PTPRS: variants seen among roughly 807,000 people sequenced by gnomAD.
The protein encoded by PTPRS is protein tyrosine phosphatase receptor type S.
Under a neutral mutation model 215.3 loss-of-function variants are expected in PTPRS, and 63 were observed. That is an observed-to-expected ratio of 0.29 (90% CI 0.24 to 0.36). The LOEUF (loss-of-function observed/expected upper bound fraction) is 0.36. PTPRS is among the 10% of genes least tolerant of loss of function. The pLI is 1.00. For synonymous variants in PTPRS, 1,404 were observed against 1,191.4 expected, an observed-to-expected ratio of 1.18 and a Z score of -3.68; for missense variants, 2,258 against 2,825.8, an observed-to-expected ratio of 0.80 and a Z score of 4.56.
chr19:5,313,358 G>A (rs1312172524), intron 1 of PTPRS, among the ~76,000 whole-genome samples: 1 of 152,260 alleles, frequency 6.6e-6, no homozygotes, highest in Non-Finnish European at 1.5e-5. Context: ...GAGATGGTGA[G>A]ACTTAAGAGA....
intron 1 of PTPRS, among the ~76,000 whole-genome samples, chr19:5,315,120 A>G (rs952867498): frequency 1.3e-5 from 2 of 151,844 alleles, no homozygotes; most frequent in African/African-American, 4.8e-5. Flanking sequence ...CTCACTGCCC[A>G]GTTAACTCCT....
intron 1 of PTPRS, among the ~76,000 whole-genome samples, chr19:5,325,542 G>A (rs1437564746): frequency 1.3e-5 from 2 of 152,200 alleles, no homozygotes; most frequent in African/African-American, 4.8e-5. Context: ...CACCACGACG[G>A]TTTCACTCAT....
At chr19:5,272,309 G>C (rs1255381094) in intron 4 of PTPRS, among the ~76,000 whole-genome samples, 2 of 152,036 alleles carry the variant, frequency 1.3e-5, no homozygotes, top group African/African-American at 4.8e-5. Flanking sequence ...TTCAAGAAAT[G>C]CATTTAGGCT....
chr19:5,250,619 G>GC (rs1432878796), intron 9 of PTPRS, among the ~76,000 whole-genome samples: 1 of 149,234 alleles, frequency 6.7e-6, no homozygotes, highest in Non-Finnish European at 1.5e-5. Context: ...GGTCCCAGCG[G>GC]GGGGACCCGC....
chr19:5,323,781 G>A (rs1459056948), intron 1 of PTPRS, among the ~76,000 whole-genome samples: 1 of 152,216 alleles, frequency 6.6e-6, no homozygotes, highest in Non-Finnish European at 1.5e-5. Flanking sequence ...TATAGGCAGA[G>A]GAGGGATGGG....
At chr19:5,256,754 C>T (rs1404414958) in intron 8 of PTPRS, among the ~76,000 whole-genome samples, 2 of 152,158 alleles carry the variant, frequency 1.3e-5, no homozygotes, top group East Asian at 1.9e-4. Flanking sequence ...CCCATCCCCT[C>T]CCCCTCCATG....
rs1010709479 is a variant in PTPRS at position 5,339,892 on chromosome 19, G to C, written c.-95+772C>G. On this transcript the variant is annotated intron_variant, in intron 1 of 37. Coordinates refer to ENST00000262963, the MANE Select transcript of PTPRS (RefSeq NM_002850.4). The surrounding 1 kb of genome is among the most constrained non-coding windows in gnomAD (Gnocchi z 4.2). ...GGGGAGACTGGGGTGCTGGGCGTGC[G>C]CGTCTGCCTGCCAGAGCCCCTGGGG... is the stretch of plus-strand genomic sequence containing the variant. Among the ~76,000 whole-genome samples the C allele has an allele frequency of 1.3e-4, 19 of 151,582 alleles. No homozygotes were observed. In the South Asian group the frequency reaches 2.9e-3, roughly 23 times the overall value.
intron 11 of PTPRS, among the ~76,000 whole-genome samples, chr19:5,240,818 A>G (rs188620320): frequency 0.017 from 2,583 of 150,684 alleles, 65 homozygotes; most frequent in African/African-American, 0.059. Context: ...CAGCCTGGGC[A>G]ACAGAGTGAG....
intron 9 of PTPRS, among the ~76,000 whole-genome samples, chr19:5,248,445 G>A (rs1168833068): frequency 6.6e-6 from 1 of 151,922 alleles, no homozygotes; most frequent in African/African-American, 2.4e-5. Flanking sequence ...CTGAAAGGAG[G>A]AGGACTGTGG....
At chr19:5,221,464 G>A (rs1371525352) in intron 19 of PTPRS, among the ~76,000 whole-genome samples, 2 of 151,154 alleles carry the variant, frequency 1.3e-5, no homozygotes, top group Non-Finnish European at 3.0e-5. Flanking sequence ...CCCAGACTGT[G>A]CCTAAATTCC....
intron 14 of PTPRS, 124 bp from the exon 15 acceptor site, chr19:5,229,808 T>A: frequency 1.8e-6 from 1 of 561,142 alleles, no homozygotes; most frequent in Non-Finnish European, 2.6e-6. Flanking sequence ...AACTGGGCGC[T>A]CTTAGCGCTC....
intron 1 of PTPRS, among the ~76,000 whole-genome samples, chr19:5,302,159 CT>C (rs1386055019): frequency 6.6e-6 from 1 of 151,980 alleles, no homozygotes; most frequent in Non-Finnish European, 1.5e-5. Flanking sequence ...TGAGCCAGAA[CT>C]TAAGATCAAC....
intron 16 of PTPRS, among the ~76,000 whole-genome samples, chr19:5,226,175 C>G (rs1434485835): frequency 1.3e-5 from 2 of 152,206 alleles, no homozygotes; most frequent in Non-Finnish European, 2.9e-5. Context: ...CAGGGTCCGT[C>G]CCCGCTCTCC....
At chr19:5,216,601 G>T in intron 26 of PTPRS, 119 bp downstream of exon 26, 1 of 885,274 alleles carries the variant, frequency 1.1e-6, no homozygotes, top group South Asian at 1.6e-5. Context: ...AAGACAGGTG[G>T]GCAAAGGCCG....
chr19:5,208,037 C>T lies in PTPRS; in HGVS notation c.5663G>A (p.Gly1888Asp), dbSNP rs1208800813. The T allele has an allele frequency of 6.2e-7, 1 of 1,613,300 alleles. No individual in the cohort carries two copies. Among genetic ancestry groups the T allele is most frequent in the Non-Finnish European group, 8.5e-7 (1 of 1,179,624 alleles). The change falls in exon 37 of 38, where the codon GGC becomes GAC. Residue 1888 changes from glycine (G) to aspartate (D), a missense_variant. By Grantham distance (94) the Gly-to-Asp change is moderately conservative (BLOSUM62 -1). This residue lies in a region of PTPRS where 89 missense variants were observed against 104.0 expected (regional missense o/e 0.86). Coordinates refer to ENST00000262963, the MANE Select transcript of PTPRS (RefSeq NM_002850.4). The stretch of plus-strand genomic sequence containing the variant: ...CACGATGCTAAGCGTGATGAAGACG[C>T]CCGTCCTGCCCACGCCGGCACTGGT... ...VHCSAGVGRT[G>D]VFITLSIVLE... is the part of the protein sequence containing the mutation.
intron 7 of PTPRS, 80 bp from the exon 8 acceptor site, chr19:5,258,207 T>C: frequency 8.4e-7 from 1 of 1,188,150 alleles, no homozygotes; most frequent in East Asian, 2.3e-5. Flanking sequence ...ACCAGAGTGC[T>C]CTCTGGCCTG....
chr19:5,206,649 A>G lies in PTPRS; in HGVS notation c.*125T>C, dbSNP rs2040388097. On this transcript the variant is annotated 3_prime_UTR_variant, in exon 38 of 38. Transcript: ENST00000262963. ...TGCGTCGTCCTCGGAAATGGTGCAG[A>G]AACACAGCTGCTGCCGCTGCCACCT... The G allele has an allele frequency of 6.1e-6, 5 of 816,498 alleles. No homozygotes were observed. In the East Asian group the frequency reaches 1.3e-4, roughly 21 times the overall value. 50.6% of individuals were successfully genotyped at this position (816,498 alleles called of 1,614,324 possible). A position where few individuals can be genotyped will look rare whatever the true frequency, so the allele number is the denominator to read the frequency against.
At chr19:5,249,901 T>C (rs910343456) in intron 9 of PTPRS, among the ~76,000 whole-genome samples, 2 of 152,276 alleles carry the variant, frequency 1.3e-5, no homozygotes, top group African/African-American at 4.8e-5. Flanking sequence ...ACCCTGTTCC[T>C]GTTTGATCTT....
chr19:5,223,144 A>G lies in PTPRS; in HGVS notation c.2648T>C (p.Phe883Ser). The change falls in exon 18 of 38, where the codon TTC becomes TCC. Residue 883 changes from phenylalanine (F) to serine (S), a missense_variant. Physicochemically the swap from Phe to Ser is radical, Grantham distance 155 (BLOSUM62 -2). This residue lies in a region of PTPRS where 361 missense variants were observed against 332.6 expected (regional missense o/e 1.09). Coordinates refer to ENST00000262963, the MANE Select transcript of PTPRS (RefSeq NM_002850.4). ...CGTGTAGCGGTCCTCGGAGGGCGGG[A>G]ACTCCAGGGTGGCCAGGGGCGTCGA... is the stretch of plus-strand genomic sequence containing the variant. The part of the protein sequence containing the change: ...EDSTPLATLE[F>S]PPSEDRYTAS... 6.4e-7 allele frequency: 1 copy of G among 1,572,224 alleles called. No homozygotes were observed. The highest frequency in any genetic ancestry group is 8.6e-7 in the Non-Finnish European group (1 of 1,159,036).
Sources: allele counts gnomAD v4.1 joint callset (sites outside exome capture counted in the v4.1 genomes callset), GRCh38; gene constraint gnomAD v4.1.1; regional missense constraint gnomAD v4.1.1; non-coding constraint Gnocchi (gnomAD v3.1); transcripts MANE v1.5; gene names NCBI Gene and HGNC (gene_info 2026-07-23, HGNC 2026-07-21).